LAPTM4B: variants seen among roughly 807,000 people sequenced by gnomAD.
LAPTM4B encodes lysosomal-associated transmembrane protein 4B.
LAPTM4B carries 26 observed loss-of-function variants against 28.5 expected under a neutral mutation model. That is an observed-to-expected ratio of 0.91 (90% confidence interval 0.67 to 1.27). The LOEUF is 1.27. Among genes scored for constraint, LAPTM4B ranks in the 50% most tolerant of loss-of-function variants. The pLI is 0.00. For synonymous variants in LAPTM4B, 109 were observed against 106.4 expected, an observed-to-expected ratio of 1.02 and a Z score of -0.15; for missense variants, 288 against 285.8, an observed-to-expected ratio of 1.01 and a Z score of -0.06.
chr8:97,849,906 G>A (rs931564120), intron 6 of LAPTM4B, among the ~76,000 whole-genome samples: 1 of 149,070 alleles, frequency 6.7e-6, no homozygotes, highest in Non-Finnish European at 1.5e-5. Flanking sequence ...CGGAGACAGC[G>A]GTGGCAGCGC....
At chr8:97,808,086 G>T (rs574203853) in intron 2 of LAPTM4B, among the ~76,000 whole-genome samples, 25 of 151,842 alleles carry the variant, frequency 1.6e-4, no homozygotes, top group African/African-American at 6.0e-4. Flanking sequence ...CTCCCAAAGT[G>T]CTGGGATTAT....
intron 1 of LAPTM4B, among the ~76,000 whole-genome samples, chr8:97,779,296 C>A (rs1586316245): frequency 6.6e-6 from 1 of 152,004 alleles, no homozygotes; most frequent in African/African-American, 2.4e-5. Context: ...GCCTGACCAA[C>A]CATGGCCAGT....
chr8:97,818,358 G>GA (rs56036725), intron 4 of LAPTM4B, among the ~76,000 whole-genome samples: 69,512 of 151,922 alleles, frequency 0.46, 16,278 homozygotes, highest in East Asian at 0.58. Context: ...GAATGGTGAA[G>GA]GGAGATAAAA....
intron 5 of LAPTM4B, among the ~76,000 whole-genome samples, chr8:97,822,528 T>TTTTA (rs57772211): frequency 0.13 from 19,087 of 143,252 alleles, 1,276 homozygotes; most frequent in Non-Finnish European, 0.15. Context: ...ATGACTTCTA[T>TTTTA]TTTATTTATT....
Position 97,795,196 on chromosome 8 carries a change from C to T in LAPTM4B, c.100-10157C>T, listed in dbSNP as rs75412610. ...CTCACTGGAGCCGCAACCTCCTGAG[C>T]TTAGGCAATCTACCTGCGTCAGCCT... On this transcript the variant is annotated intron_variant, in intron 1 of 6. Transcript: ENST00000521545. 8.3e-4 allele frequency among the ~76,000 whole-genome samples: 126 copies of T among 152,268 alleles called. 4 individuals carry two copies. The East Asian group carries it at 0.02, about 24-fold the overall frequency.
chr8:97,793,828 T>TG (rs1816542080), intron 1 of LAPTM4B, among the ~76,000 whole-genome samples: 2 of 152,288 alleles, frequency 1.3e-5, no homozygotes, highest in South Asian at 4.1e-4. Flanking sequence ...GGTTAAGAGT[T>TG]GGGGTTCTTG....
At chr8:97,816,987 T>C (rs1236352757) in intron 4 of LAPTM4B, among the ~76,000 whole-genome samples, 2 of 152,140 alleles carry the variant, frequency 1.3e-5, no homozygotes, top group Non-Finnish European at 2.9e-5. Context: ...GGAACACTGC[T>C]GTATACTAGC....
At chr8:97,822,289 A>G (rs1468248638) in intron 5 of LAPTM4B, among the ~76,000 whole-genome samples, 2 of 151,996 alleles carry the variant, frequency 1.3e-5, no homozygotes, top group Admixed American at 1.3e-4. Flanking sequence ...TCAGTCTCCC[A>G]TGACTTAAAA....
Position 97,776,083 on chromosome 8 carries a change from C to T in LAPTM4B, c.74C>T (p.Thr25Ile). Reference protein sequence around the residue: ...CCLCCHVRTGTILLGVWYLII... With the variant: ...CCLCCHVRTGIILLGVWYLII... The stretch of plus-strand genomic sequence containing the variant: ...TTGTGCTGCCATGTCCGCACCGGCA[C>T]CATCCTGCTCGGCGTCTGGTATCTG... The change falls in exon 1 of 7, where the codon ACC becomes ATC. Residue 25 changes from threonine to isoleucine, a missense_variant. Thr to Ile is a moderately conservative substitution (Grantham distance 89, BLOSUM62 -1). Coordinates refer to ENST00000521545, the MANE Select transcript of LAPTM4B (RefSeq NM_018407.6). The T allele has an allele frequency of 6.3e-7, 1 of 1,586,088 alleles. No individual in the cohort carries two copies. Among genetic ancestry groups the T allele is most frequent in the East Asian group, 2.4e-5 (1 of 41,300 alleles).
chr8:97,790,302 T>C (rs1816478292), intron 1 of LAPTM4B, among the ~76,000 whole-genome samples: 1 of 151,820 alleles, frequency 6.6e-6, no homozygotes, highest in Admixed American at 6.6e-5. Flanking sequence ...CTGTTCTCCA[T>C]AGTGGTTGTA....
intron 6 of LAPTM4B, among the ~76,000 whole-genome samples, chr8:97,826,836 G>A (rs1346853835): frequency 2.6e-5 from 4 of 152,082 alleles, no homozygotes; most frequent in Admixed American, 6.5e-5. Flanking sequence ...TTTGCAGAAG[G>A]CAAGTTGTTG....
intron 1 of LAPTM4B, among the ~76,000 whole-genome samples, chr8:97,799,459 C>T (rs1816638629): frequency 6.6e-6 from 1 of 152,080 alleles, no homozygotes; most frequent in African/African-American, 2.4e-5. Context: ...AAGGCAGGGG[C>T]AGGAAGACAG....
chr8:97,828,938 A>C (rs1267977779), intron 6 of LAPTM4B, among the ~76,000 whole-genome samples: 9 of 152,158 alleles, frequency 5.9e-5, no homozygotes. Context: ...TTCCGTTTGC[A>C]AACTGGGTTT....
chr8:97,818,354 T>C lies in LAPTM4B; in HGVS notation c.409-786T>C, dbSNP rs868501214. Among the ~76,000 whole-genome samples, 21 of 117,730 alleles carry C rather than the reference T, an allele frequency of 1.8e-4. 1 individual carries two copies. The South Asian group carries it at 1.9e-3, about 11-fold the overall frequency. 77.2% of individuals were successfully genotyped at this position (117,730 alleles called of 152,430 possible). On this transcript the variant is annotated intron_variant, in intron 4 of 6. Transcript: ENST00000521545. ...AATCCAAACACATAGTGTTGAATGG[T>C]GAAGGGAGATAAAAGATGAGATAGC...
intron 6 of LAPTM4B, among the ~76,000 whole-genome samples, chr8:97,842,382 A>G (rs1477270465): frequency 6.6e-6 from 1 of 152,174 alleles, no homozygotes; most frequent in Non-Finnish European, 1.5e-5. Context: ...TTTCTAGGCA[A>G]CTGTAGGACA....
At position 97,852,453 on chromosome 8, in the gene LAPTM4B, G is replaced by A. The variant is rs1470268761; in HGVS notation, c.*979G>A. 1 of 152,104 alleles carries A rather than the reference G, an allele frequency of 6.6e-6. No homozygotes were observed. The highest frequency in any genetic ancestry group is 1.5e-5 in the Non-Finnish European group (1 of 68,050). 9.4% of individuals were successfully genotyped at this position (152,104 alleles called of 1,614,324 possible). On this transcript the variant is annotated 3_prime_UTR_variant, in exon 7 of 7. Transcript: ENST00000521545. ...CAGAAAAATGAGGATTGCCTTCCTT[G>A]TATGCGCTTTTTACCTTGACTACCT...
rs77546236 is a variant in LAPTM4B at position 97,800,399 on chromosome 8, C to G, written c.100-4954C>G. 6.1e-3 allele frequency among the ~76,000 whole-genome samples: 921 copies of G among 151,582 alleles called. 7 individuals are homozygous for G. The highest frequency in any genetic ancestry group is 0.021 in the African/African-American group (867 of 41,182). ...TTGAGTGGCTATTGTATGCCAGTCA[C>G]CGGTCTAGGTATTTTATGTATATTC... On this transcript the variant is annotated intron_variant, in intron 1 of 6. Transcript: ENST00000521545.
chr8:97,826,504 T>C (rs1011977218), intron 6 of LAPTM4B, among the ~76,000 whole-genome samples: 1 of 152,216 alleles, frequency 6.6e-6, no homozygotes, highest in Non-Finnish European at 1.5e-5. Flanking sequence ...CTCTGAGTTG[T>C]TGGGTATTTT....
At chr8:97,779,058 G>T (rs1371580518) in intron 1 of LAPTM4B, among the ~76,000 whole-genome samples, 1 of 152,146 alleles carries the variant, frequency 6.6e-6, no homozygotes, top group African/African-American at 2.4e-5. Flanking sequence ...TCAGAAAGTG[G>T]AGAGTTAAGA....
Sources: gnomAD v4.1 joint callset for allele counts (sites outside exome capture counted in the v4.1 genomes callset) on GRCh38, gnomAD v4.1.1 for gene constraint, MANE v1.5 for transcripts, NCBI Gene and HGNC (gene_info 2026-07-23, HGNC 2026-07-21) for gene names.